The following LYPLAL1 variants were observed in gnomAD, a reference collection of about 807,000 sequenced individuals.
The protein encoded by LYPLAL1 is lysophospholipase like 1.
A neutral mutation model predicts 19.7 loss-of-function variants in LYPLAL1; 23 were observed. That is an observed-to-expected ratio of 1.17 (90% CI 0.84 to 1.65). The LOEUF is 1.65. Ranked by LOEUF, LYPLAL1 falls within the 40% of genes most tolerant of loss-of-function variation. The probability of loss-of-function intolerance (pLI) is 0.00; values close to 1 mark genes in which losing one functional copy is unlikely to be tolerated. For synonymous variants in LYPLAL1, 119 were observed against 96.3 expected (o/e 1.24, Z -1.38); for missense variants, 355 against 279.4 (o/e 1.27, Z -1.93).
At chr1:219,350,503 G>T in the LYPLAL1 span, among the ~76,000 whole-genome samples, 1 of 152,318 alleles carries the variant, frequency 6.6e-6, no homozygotes, top group South Asian at 2.1e-4. Context: ...TCTGTTCCCA[G>T]CATTCTGCAC....
chr1:219,383,134 C>T, the LYPLAL1 span, among the ~76,000 whole-genome samples: 1 of 152,206 alleles, frequency 6.6e-6, no homozygotes. Context: ...ATGTCAATTT[C>T]CAGACTATCA....
the LYPLAL1 span, among the ~76,000 whole-genome samples, chr1:219,298,515 A>G: frequency 6.6e-6 from 1 of 152,178 alleles, no homozygotes; most frequent in Non-Finnish European, 1.5e-5. Context: ...CTCTTAGGGC[A>G]GTTACTGAAC....
chr1:219,422,604 G>T, the LYPLAL1 span, among the ~76,000 whole-genome samples: 2 of 152,086 alleles, frequency 1.3e-5, no homozygotes, highest in African/African-American at 2.4e-5. Flanking sequence ...CAACCATTAT[G>T]CAGGAATAAA....
downstream of LYPLAL1, among the ~76,000 whole-genome samples, chr1:219,217,463 G>A (rs1316767546): frequency 6.7e-6 from 1 of 148,798 alleles, no homozygotes; most frequent in Admixed American, 6.8e-5. Flanking sequence ...AAGATATATC[G>A]AAATATTTTA....
At chr1:219,185,606 A>C (rs1656659545) in intron 2 of LYPLAL1, among the ~76,000 whole-genome samples, 1 of 151,970 alleles carries the variant, frequency 6.6e-6, no homozygotes, top group Admixed American at 6.6e-5. Flanking sequence ...CTAAGAATTC[A>C]GAAGGGGGAT....
the LYPLAL1 span, among the ~76,000 whole-genome samples, chr1:219,444,648 G>T: frequency 2.6e-5 from 4 of 152,320 alleles, no homozygotes; most frequent in East Asian, 7.7e-4. Flanking sequence ...ACCAGTCAAA[G>T]TCATTGTGCT....
At chr1:219,183,501 T>G (rs1372642434) in intron 2 of LYPLAL1, among the ~76,000 whole-genome samples, 3 of 152,162 alleles carry the variant, frequency 2.0e-5, no homozygotes, top group East Asian at 3.9e-4. Flanking sequence ...GTACAGAGAA[T>G]TTTGGTAAAA....
chr1:219,196,707 CTG>C (rs1377812680), intron 3 of LYPLAL1, among the ~76,000 whole-genome samples: 2 of 152,256 alleles, frequency 1.3e-5, no homozygotes, highest in East Asian at 3.9e-4. Context: ...AGAAGTCAAA[CTG>C]TGTCTATTTG....
At chr1:219,202,223 T>A (rs1283922596) in intron 3 of LYPLAL1, among the ~76,000 whole-genome samples, 1 of 152,230 alleles carries the variant, frequency 6.6e-6, no homozygotes, top group Non-Finnish European at 1.5e-5. Flanking sequence ...GTAGTTGAAC[T>A]AGTCAGTTCA....
At chr1:219,217,963 T>C in the LYPLAL1 span, among the ~76,000 whole-genome samples, 2 of 152,100 alleles carry the variant, frequency 1.3e-5, no homozygotes, top group Admixed American at 6.6e-5. Flanking sequence ...CATTAGGATG[T>C]GAGTAAAGGG....
At chr1:219,290,937 T>G in the LYPLAL1 span, among the ~76,000 whole-genome samples, 2 of 152,170 alleles carry the variant, frequency 1.3e-5, no homozygotes, top group African/African-American at 4.8e-5. Context: ...TTTATGGTCA[T>G]GGAAAACCTG....
At chr1:219,224,598 CTG>C in the LYPLAL1 span, among the ~76,000 whole-genome samples, 2 of 152,176 alleles carry the variant, frequency 1.3e-5, no homozygotes, top group African/African-American at 4.8e-5. Flanking sequence ...GTTATTGTCA[CTG>C]TGCCACACTG....
chr1:219,411,367 A>C, the LYPLAL1 span, among the ~76,000 whole-genome samples: 2 of 152,164 alleles, frequency 1.3e-5, no homozygotes, highest in South Asian at 4.2e-4. Context: ...GGGTTTGTGA[A>C]TGCACCAATC....
At chr1:219,326,767 C>T in the LYPLAL1 span, among the ~76,000 whole-genome samples, 1 of 152,174 alleles carries the variant, frequency 6.6e-6, no homozygotes, top group East Asian at 1.9e-4. Context: ...CCCCCTAAGC[C>T]TCTCATTCCA....
the LYPLAL1 span, among the ~76,000 whole-genome samples, chr1:219,421,538 T>A: frequency 6.6e-6 from 1 of 152,254 alleles, no homozygotes; most frequent in Non-Finnish European, 1.5e-5. Context: ...GCAATGCTTA[T>A]GCTGTGTTCA....
downstream of LYPLAL1, among the ~76,000 whole-genome samples, chr1:219,214,444 G>T (rs550249135): frequency 4.4e-4 from 67 of 152,054 alleles, no homozygotes; most frequent in African/African-American, 1.6e-3. Flanking sequence ...ATATAGTATT[G>T]CTATTAATTT....
intron 3 of LYPLAL1, among the ~76,000 whole-genome samples, chr1:219,194,397 A>G (rs1171172028): frequency 1.3e-5 from 2 of 151,974 alleles, no homozygotes; most frequent in African/African-American, 2.4e-5. Flanking sequence ...TCATCATTCA[A>G]TCTTTAGCAA....
At chr1:219,203,940 G>T (rs1367924917) in intron 3 of LYPLAL1, among the ~76,000 whole-genome samples, 3 of 152,094 alleles carry the variant, frequency 2.0e-5, no homozygotes, top group Non-Finnish European at 2.9e-5. Context: ...TTAATCATCT[G>T]TGGGGTTTAG....
chr1:219,222,512 A>G, the LYPLAL1 span: 1 of 152,314 alleles, frequency 6.6e-6, no homozygotes, highest in Admixed American at 6.5e-5. Context: ...TTTCACTGCC[A>G]TCTTCAAATG....
Sources: allele counts gnomAD v4.1 joint callset (sites outside exome capture counted in the v4.1 genomes callset), GRCh38; gene constraint gnomAD v4.1.1; transcripts MANE v1.5; gene names NCBI Gene and HGNC (gene_info 2026-07-23, HGNC 2026-07-21).